CADM2: variants seen among roughly 807,000 people sequenced by gnomAD.
CADM2 encodes the protein cell adhesion molecule 2.
CADM2 carries 12 observed loss-of-function variants against 49.8 expected under a neutral mutation model. The observed-to-expected ratio is 0.24, with a 90% CI of 0.15 to 0.39. The LOEUF is 0.39. CADM2 is among the 10% of genes least tolerant of loss of function. The pLI, the probability that CADM2 is intolerant of heterozygous loss-of-function variation, is 1.00. For synonymous variants in CADM2, 214 were observed against 175.4 expected, an observed-to-expected ratio of 1.22 and a Z score of -1.74; for missense variants, 378 against 492.3, an observed-to-expected ratio of 0.77 and a Z score of 2.20.
At position 85,921,919 on chromosome 3, in the gene CADM2, G is replaced by A. The variant is rs552767636; in HGVS notation, c.700+9376G>A. Reference sequence around the variant, plus strand: ...GTGTTTTCTAGAATGTCATATAATGGGAATTTTGCAGGATGTAATCTCTTC... The same window carrying A: ...GTGTTTTCTAGAATGTCATATAATGAGAATTTTGCAGGATGTAATCTCTTC... On this transcript the variant is annotated intron_variant, in intron 6 of 9. Transcript: ENST00000383699. Among the ~76,000 whole-genome samples, 5 of 152,100 alleles carry A rather than the reference G, an allele frequency of 3.3e-5. No homozygotes were observed. The South Asian group carries it at 1.0e-3, about 32-fold the overall frequency.
chr3:85,159,802 A>G (rs541468388), intron 1 of CADM2, among the ~76,000 whole-genome samples: 68 of 152,286 alleles, frequency 4.5e-4, no homozygotes, highest in African/African-American at 1.6e-3. Flanking sequence ...TATAATTCAT[A>G]CCATTTACTG....
chr3:85,192,226 C>T (rs116400280), intron 1 of CADM2, among the ~76,000 whole-genome samples: 3,524 of 152,056 alleles, frequency 0.023, 128 homozygotes, highest in African/African-American at 0.08. Context: ...AGATATGAAG[C>T]AGCTCTTTAC....
At chr3:85,206,597 G>A (rs947939930) in intron 1 of CADM2, among the ~76,000 whole-genome samples, 14 of 151,904 alleles carry the variant, frequency 9.2e-5, no homozygotes, top group Non-Finnish European at 1.5e-4. Context: ...GTGAGCCACC[G>A]CGCCCGGCCG....
At chr3:85,682,377 G>C (rs2066063844) in intron 1 of CADM2, among the ~76,000 whole-genome samples, 1 of 152,082 alleles carries the variant, frequency 6.6e-6, no homozygotes, top group South Asian at 2.1e-4. Flanking sequence ...TAATCTACTA[G>C]GTAATTGTCT....
chr3:85,342,399 T>G (rs996570056), intron 1 of CADM2, among the ~76,000 whole-genome samples: 1 of 152,092 alleles, frequency 6.6e-6, no homozygotes, highest in Admixed American at 6.6e-5. Flanking sequence ...ATATAAAATA[T>G]TTTGATTACT....
intron 1 of CADM2, among the ~76,000 whole-genome samples, chr3:85,055,647 A>G (rs1464381641): frequency 1.3e-5 from 2 of 152,062 alleles, no homozygotes; most frequent in Non-Finnish European, 2.9e-5. Context: ...TACATTTTCC[A>G]TTGCAGATAC....
At chr3:85,051,191 C>T (rs901036939) in intron 1 of CADM2, among the ~76,000 whole-genome samples, 19 of 152,204 alleles carry the variant, frequency 1.2e-4, no homozygotes, top group African/African-American at 4.3e-4. Flanking sequence ...TTAAGTGACT[C>T]TAAATATAGT....
intron 1 of CADM2, among the ~76,000 whole-genome samples, chr3:85,394,711 A>G (rs918671642): frequency 2.0e-5 from 3 of 152,108 alleles, no homozygotes; most frequent in Non-Finnish European, 4.4e-5. Context: ...CATGATTTAG[A>G]TATTTATCAG....
chr3:85,105,888 G>T (rs1460422883), intron 1 of CADM2, among the ~76,000 whole-genome samples: 1 of 148,540 alleles, frequency 6.7e-6, no homozygotes, highest in Non-Finnish European at 1.5e-5. Flanking sequence ...GGTGGGAATT[G>T]AACAATGAGA....
intron 1 of CADM2, among the ~76,000 whole-genome samples, chr3:85,409,861 A>G (rs1452887234): frequency 6.6e-6 from 1 of 152,194 alleles, no homozygotes; most frequent in Non-Finnish European, 1.5e-5. Context: ...ACTATATTTC[A>G]GGAAAAAAAC....
chr3:85,184,928 T>G (rs189545134), intron 1 of CADM2, among the ~76,000 whole-genome samples: 1 of 152,202 alleles, frequency 6.6e-6, no homozygotes, highest in African/African-American at 2.4e-5. Context: ...GGGCTTTGCT[T>G]TAAATTAAGG....
At chr3:85,607,153 G>T (rs771699749) in intron 1 of CADM2, among the ~76,000 whole-genome samples, 2 of 152,112 alleles carry the variant, frequency 1.3e-5, no homozygotes, top group Non-Finnish European at 2.9e-5. Flanking sequence ...GGTTTAAGAA[G>T]ATGAAGACAT....
intron 1 of CADM2, among the ~76,000 whole-genome samples, chr3:85,482,074 A>G (rs923352805): frequency 6.6e-6 from 1 of 151,740 alleles, no homozygotes; most frequent in Admixed American, 6.6e-5. Flanking sequence ...ACATATTAAG[A>G]AAAAAATACT....
At chr3:85,125,668 T>C (rs1176972730) in intron 1 of CADM2, among the ~76,000 whole-genome samples, 1 of 152,210 alleles carries the variant, frequency 6.6e-6, no homozygotes, top group African/African-American at 2.4e-5. Flanking sequence ...CAGCCTACTC[T>C]TGGGGACTCT....
intron 1 of CADM2, among the ~76,000 whole-genome samples, chr3:85,420,762 G>T (rs2107496809): frequency 6.6e-6 from 1 of 152,260 alleles, no homozygotes; most frequent in South Asian, 2.1e-4. Flanking sequence ...TAAAGATACG[G>T]TTAAATATAA....
intron 1 of CADM2, among the ~76,000 whole-genome samples, chr3:85,639,598 A>G (rs2064642358): frequency 6.6e-6 from 1 of 152,146 alleles, no homozygotes; most frequent in Non-Finnish European, 1.5e-5. Context: ...AACTGCCAAT[A>G]TGTGTATAAC....
intron 1 of CADM2, among the ~76,000 whole-genome samples, chr3:85,625,242 C>T (rs993767355): frequency 6.6e-6 from 1 of 151,954 alleles, no homozygotes; most frequent in Non-Finnish European, 1.5e-5. Flanking sequence ...AATAATTTTG[C>T]AAGAATTTAG....
At chr3:85,721,184 T>C (rs1309017410) in intron 1 of CADM2, among the ~76,000 whole-genome samples, 1 of 152,228 alleles carries the variant, frequency 6.6e-6, no homozygotes, top group Non-Finnish European at 1.5e-5. Flanking sequence ...ATTATTTTAA[T>C]AATTTGTAGT....
chr3:85,270,394 A>T (rs1289773289), intron 1 of CADM2, among the ~76,000 whole-genome samples: 4 of 151,446 alleles, frequency 2.6e-5, no homozygotes, highest in African/African-American at 9.7e-5. Flanking sequence ...CTAGATGTAT[A>T]GCATAGTCTA....
Sources: gnomAD v4.1 joint callset for allele counts (sites outside exome capture counted in the v4.1 genomes callset) on GRCh38, gnomAD v4.1.1 for gene constraint, MANE v1.5 for transcripts, NCBI Gene and HGNC (gene_info 2026-07-23, HGNC 2026-07-21) for gene names.